The following PLEKHG5 variants were observed in gnomAD, a reference collection of about 807,000 sequenced individuals.
PLEKHG5 encodes pleckstrin homology domain-containing family G member 5.
PLEKHG5 carries 52 observed loss-of-function variants against 103.8 expected under a neutral mutation model. The observed-to-expected ratio is 0.50, with a 90% CI of 0.40 to 0.63. The LOEUF (loss-of-function observed/expected upper bound fraction) is 0.63, where lower values mean the gene tolerates loss of function less well. PLEKHG5 is among the 30% of genes least tolerant of loss of function. PLEKHG5 has a pLI of 0.00. For missense variants in PLEKHG5, 1,205 were observed against 1,347.6 expected, an observed-to-expected ratio of 0.89 and a Z score of 1.66; for synonymous variants, 592 against 575.5, an observed-to-expected ratio of 1.03 and a Z score of -0.41.
chr1:6,473,125 A>T lies in PLEKHG5; in HGVS notation c.845T>A (p.Leu282His), dbSNP rs2148588292. 1 of 1,613,930 alleles carries T rather than the reference A, an allele frequency of 6.2e-7. No homozygotes were observed. Among genetic ancestry groups the T allele is most frequent in the Non-Finnish European group, 8.5e-7 (1 of 1,179,954 alleles). ...QLEGKLHTYS[L>H]FGLPRLPRGL... is the part of the protein sequence containing the mutation. Reference sequence around the variant, plus strand: ...CCGGGGCAGCCTGGGCAGCCCGAAGAGGCTGTAGGTGTGCAGCTTGCCCTC... The same window carrying T: ...CCGGGGCAGCCTGGGCAGCCCGAAGTGGCTGTAGGTGTGCAGCTTGCCCTC... Residue 282 changes from leucine to histidine, a missense_variant, in exon 9 of 21, where the codon CTC becomes CAC. Leu to His is a moderately conservative substitution (Grantham distance 99). Transcript: ENST00000377728.
At chr1:6,515,540 TATGAGGTTGGGC>T (rs1570011303) in intron 1 of PLEKHG5, among the ~76,000 whole-genome samples, 2 of 151,078 alleles carry the variant, frequency 1.3e-5, no homozygotes, top group East Asian at 3.9e-4. Context: ...AAAAAAAATG[TATGAGGTTGGGC>T]ATGGTTGTTC....
chr1:6,470,631 C>G lies in PLEKHG5; in HGVS notation c.1555G>C (p.Glu519Gln). The G allele has an allele frequency of 6.3e-7, 1 of 1,578,452 alleles. No homozygotes were observed. Residue 519 changes from glutamate to glutamine, a missense_variant, in exon 15 of 21, where the codon GAG becomes CAG. Glu to Gln is a conservative substitution (Grantham distance 29, BLOSUM62 2). Coordinates refer to ENST00000377728, the MANE Select transcript of PLEKHG5 (RefSeq NM_020631.6). ...EAVVAMIGSV[E>Q]RFIHHVNACM... is the part of the protein sequence containing the mutation. Reference sequence around the variant, plus strand: ...GCGTTCACGTGGTGGATGAAGCGCTCCACGGAGCCGATCTAGGGGCAGGTG... The same window carrying G: ...GCGTTCACGTGGTGGATGAAGCGCTGCACGGAGCCGATCTAGGGGCAGGTG...
intron 1 of PLEKHG5, among the ~76,000 whole-genome samples, chr1:6,515,736 G>A (rs1052150613): frequency 6.6e-6 from 1 of 152,034 alleles, no homozygotes; most frequent in African/African-American, 2.4e-5. Flanking sequence ...AGAAAGATAA[G>A]CAAATTTAAT....
At chr1:6,482,515 A>G (rs1644929384) in intron 1 of PLEKHG5, among the ~76,000 whole-genome samples, 1 of 152,118 alleles carries the variant, frequency 6.6e-6, no homozygotes, top group Non-Finnish European at 1.5e-5. Flanking sequence ...ATGTGTCTGG[A>G]GCCACACTGG....
At chr1:6,500,964 G>A (rs998051844), upstream of PLEKHG5, among the ~76,000 whole-genome samples, 5 of 152,226 alleles carry the variant, frequency 3.3e-5, no homozygotes, top group African/African-American at 7.2e-5. Context: ...ACTGGGCCTC[G>A]GGGCGCGGGC....
chr1:6,507,157 T>C (rs1254321663), intron 1 of PLEKHG5, among the ~76,000 whole-genome samples: 1 of 152,092 alleles, frequency 6.6e-6, no homozygotes, highest in African/African-American at 2.4e-5. Flanking sequence ...ATGGCAGCCC[T>C]CCTGTGGAGA....
Position 6,467,920 on chromosome 1 carries a change from G to A in PLEKHG5, c.2916C>T (p.Pro972=), listed in dbSNP as rs923660925. Residue 972 remains proline (P), a synonymous_variant, in exon 20 of 21, where the codon CCC becomes CCT. Coordinates refer to ENST00000377728, the MANE Select transcript of PLEKHG5 (RefSeq NM_020631.6). ...TGTGCTGGGCAGAGACCCCTGGTGGGGGCTCAGGCTGGACCCTGGGAGAGG... is the reference window on the plus strand; with the variant it reads ...TGTGCTGGGCAGAGACCCCTGGTGGAGGCTCAGGCTGGACCCTGGGAGAGG... ...SGASPRVQPE[P]PPGVSAQHRK... is the part of the protein sequence containing the mutation. The A allele has an allele frequency of 6.3e-7, 1 of 1,597,258 alleles. No homozygotes were observed. The highest frequency in any genetic ancestry group is 2.3e-5 in the East Asian group (1 of 43,712).
At chr1:6,485,451 G>A (rs1310296094) in intron 1 of PLEKHG5, 4 of 1,261,712 alleles carry the variant, frequency 3.2e-6, no homozygotes, top group South Asian at 5.7e-5. Flanking sequence ...CATGGCGGCC[G>A]GAGGAAGCCG....
intron 1 of PLEKHG5, among the ~76,000 whole-genome samples, chr1:6,511,767 C>A (rs376393283): frequency 2.0e-5 from 3 of 152,210 alleles, no homozygotes; most frequent in African/African-American, 2.4e-5. Context: ...TGACTGCAGC[C>A]CCCCCAGAGA....
At position 6,467,816 on chromosome 1, in the gene PLEKHG5, G is replaced by A. The variant is rs144809602; in HGVS notation, c.3011+9C>T. On this transcript the variant is annotated intron_variant, in intron 20 of 20. Coordinates refer to ENST00000377728, the MANE Select transcript of PLEKHG5 (RefSeq NM_020631.6). ...AGCCACCTGCCCTACCCCAGTCCAG[G>A]CCACTCACGAGGCAGTGAGCGTGGA... 1.2e-4 allele frequency: 194 copies of A among 1,612,910 alleles called. No homozygotes were observed. In the African/African-American group the frequency reaches 2.1e-3, roughly 17 times the overall value.
At chr1:6,474,683 C>T in intron 5 of PLEKHG5, 96 bp from the exon 6 acceptor site, 1 of 1,246,676 alleles carries the variant, frequency 8.0e-7, no homozygotes, top group Non-Finnish European at 1.1e-6. Flanking sequence ...ACCCACAGCC[C>T]CAGCTGCCCC....
At position 6,477,540 on chromosome 1, in the gene PLEKHG5, A is replaced by G. The variant is rs1426575824; in HGVS notation, c.32T>C (p.Leu11Pro). Reference sequence around the variant, plus strand: ...CCGCCTGTGCTCACCTTGTGGGGGAAGGTCGAAGCGGACATGCCCATCATA... The same window carrying G: ...CCGCCTGTGCTCACCTTGTGGGGGAGGGTCGAAGCGGACATGCCCATCATA... Reference protein sequence around the residue: MHYDGHVRFDLPPQGSVLARN... With the variant: MHYDGHVRFDPPPQGSVLARN... The change falls in exon 2 of 21, where the codon CTT becomes CCT. Residue 11 changes from leucine (L) to proline (P), a missense_variant. Physicochemically the swap from Leu to Pro is moderately conservative, Grantham distance 98 (BLOSUM62 -3). Transcript: ENST00000377728. 12 of 1,612,014 alleles carry G rather than the reference A, an allele frequency of 7.4e-6. No homozygotes were observed. Among genetic ancestry groups the G allele is most frequent in the Admixed American group, 1.7e-5 (1 of 60,022 alleles).
In PLEKHG5 at chr1:6,490,602, T is replaced by C; in HGVS notation, c.-88+1035A>G. 1 of 985,174 alleles carries C rather than the reference T, an allele frequency of 1.0e-6. No homozygotes were observed. Among genetic ancestry groups the C allele is most frequent in the Non-Finnish European group, 1.2e-6 (1 of 829,890 alleles). 61.0% of individuals were successfully genotyped at this position (985,174 alleles called of 1,614,324 possible). On this transcript the variant is annotated intron_variant, in intron 1 of 20. Transcript: ENST00000377728. This position sits in a 1 kb window ranked among gnomAD's most constrained non-coding sequence, Gnocchi z 8.0. Reference sequence around the variant, plus strand: ...AACTGGGGCGCGGGACGTAGGGGAATTACGGTAGCCGCGCGGGCGCTACCA... The same window carrying C: ...AACTGGGGCGCGGGACGTAGGGGAACTACGGTAGCCGCGCGGGCGCTACCA...
intron 1 of PLEKHG5, among the ~76,000 whole-genome samples, chr1:6,482,246 T>C (rs1020083782): frequency 1.3e-5 from 2 of 152,174 alleles, no homozygotes; most frequent in Admixed American, 1.3e-4. Context: ...TATTCCACCC[T>C]GCTGCCTCCA....
At chr1:6,482,425 C>T (rs1328974144) in intron 1 of PLEKHG5, among the ~76,000 whole-genome samples, 2 of 152,194 alleles carry the variant, frequency 1.3e-5, no homozygotes, top group East Asian at 1.9e-4. Flanking sequence ...CCGAGATAGG[C>T]GTGGTGAGGA....
intron 7 of PLEKHG5, 29 bp from the exon 8 acceptor site, chr1:6,473,483 G>A: frequency 6.7e-7 from 1 of 1,486,720 alleles, no homozygotes; most frequent in East Asian, 2.5e-5. Context: ...TCAGGGCCGG[G>A]ACCCCCTGCC....
intron 10 of PLEKHG5, among the ~76,000 whole-genome samples, 181 bp downstream of exon 10, chr1:6,472,346 G>A (rs548893611): frequency 1.3e-5 from 2 of 152,244 alleles, no homozygotes; most frequent in African/African-American, 2.4e-5. Context: ...AAACCTGCCC[G>A]AAGCCCCCTC....
intron 1 of PLEKHG5, among the ~76,000 whole-genome samples, chr1:6,510,701 C>T (rs1293040482): frequency 6.6e-6 from 1 of 152,226 alleles, no homozygotes; most frequent in Non-Finnish European, 1.5e-5. Context: ...CGGAGGCCAA[C>T]CCACCAGCCA....
upstream of PLEKHG5, chr1:6,497,233 G>T: frequency 1.2e-6 from 1 of 868,296 alleles, no homozygotes; most frequent in African/African-American, 1.7e-5. The surrounding 1 kb of genome is among the most constrained non-coding windows in gnomAD (Gnocchi z 6.1). Context: ...CCCTTGCCTG[G>T]AGCGGGCCCT....
Sources: gnomAD v4.1 joint callset for allele counts (sites outside exome capture counted in the v4.1 genomes callset) on GRCh38, gnomAD v4.1.1 for gene constraint, Gnocchi (gnomAD v3.1) non-coding constraint, MANE v1.5 for transcripts, NCBI Gene and HGNC (gene_info 2026-07-23, HGNC 2026-07-21) for gene names.